Variants in TNR observed in about 807,000 individuals in gnomAD.
TNR encodes the protein tenascin-R.
Under a neutral mutation model 150.4 loss-of-function variants are expected in TNR, and 45 were observed. The observed-to-expected ratio is 0.30, with a 90% confidence interval of 0.24 to 0.38. TNR has a LOEUF of 0.38. Among genes scored for constraint, TNR ranks in the 10% least tolerant of loss-of-function variants. The pLI is 1.00. For missense variants in TNR, 1,544 were observed against 1,759.1 expected (o/e 0.88, Z 2.19); for synonymous variants, 687 against 678.4 (o/e 1.01, Z -0.20).
intron 1 of TNR, among the ~76,000 whole-genome samples, chr1:175,677,664 G>A (rs1571742564): frequency 6.6e-6 from 1 of 152,318 alleles, no homozygotes; most frequent in Non-Finnish European, 1.5e-5. Context: ...AAGGTACAAG[G>A]AGAGGCAGAG....
At position 175,365,045 on chromosome 1, in the gene TNR, A is replaced by G; in HGVS notation, c.2552T>C (p.Val851Ala). ...GGAGCCCACAATGGGCTCAGAGGTC[A>G]CTGTGCCATGGACAGCCACAAGGTT... The part of the protein sequence containing the change: ...IVNLVAVHGT[V>A]TSEPIVGSIT... The change falls in exon 12 of 23, where the codon GTG (valine) becomes GCG (alanine). Residue 851 changes from valine to alanine, a missense_variant. By Grantham distance (64) the Val-to-Ala change is moderately conservative (BLOSUM62 0). This residue lies in a region of TNR where 1,254 missense variants were observed against 1,329.4 expected (regional missense o/e 0.94). Transcript: ENST00000367674. 1 of 1,613,732 alleles carries G rather than the reference A, an allele frequency of 6.2e-7. No individual in the cohort carries two copies. The highest frequency in any genetic ancestry group is 1.7e-5 in the Admixed American group (1 of 60,022).
chr1:175,665,162 A>AT (rs60174277), intron 1 of TNR, among the ~76,000 whole-genome samples: 2,049 of 152,260 alleles, frequency 0.013, 38 homozygotes, highest in African/African-American at 0.047. Context: ...GTTTTGTTTC[A>AT]TTTTTTCTCT....
chr1:175,731,379 A>G (rs564476033), intron 1 of TNR, among the ~76,000 whole-genome samples: 1 of 152,298 alleles, frequency 6.6e-6, no homozygotes, highest in South Asian at 2.1e-4. Context: ...ATCAATAGCA[A>G]TTATTTTGCT....
At chr1:175,665,465 G>T (rs542476849) in intron 1 of TNR, among the ~76,000 whole-genome samples, 1 of 152,258 alleles carries the variant, frequency 6.6e-6, no homozygotes, top group Non-Finnish European at 1.5e-5. Context: ...TTCTCATATT[G>T]TCCACTCATA....
rs541064855 is a variant in TNR at position 175,322,332 on chromosome 1, G to A, written c.*1025C>T. 2.0e-5 allele frequency: 3 copies of A among 152,382 alleles called. No homozygotes were observed. Among genetic ancestry groups the A allele is most frequent in the South Asian group, 2.1e-4 (1 of 4,832 alleles). 9.4% of individuals were successfully genotyped at this position (152,382 alleles called of 1,614,324 possible). ...CTTGGGAACTAGATTCCAAAATGCT[G>A]GTTGGGCTTTTGAGGCTCTGGGGTC... On this transcript the variant is annotated 3_prime_UTR_variant, in exon 23 of 23. Transcript: ENST00000367674.
chr1:175,523,183 C>A (rs770782634), intron 2 of TNR, among the ~76,000 whole-genome samples: 2 of 152,188 alleles, frequency 1.3e-5, no homozygotes, highest in African/African-American at 2.4e-5. Flanking sequence ...AATCCAGCAG[C>A]GCCTCTGTCA....
chr1:175,704,018 T>C (rs1666773907), intron 1 of TNR, among the ~76,000 whole-genome samples: 1 of 152,182 alleles, frequency 6.6e-6, no homozygotes, highest in African/African-American at 2.4e-5. Flanking sequence ...TACAATGCAT[T>C]CCTCTATTGT....
chr1:175,367,179 TCTTCTTC>T (rs759231060), intron 10 of TNR, 22 bp downstream of exon 10: 107 of 1,608,726 alleles, frequency 6.7e-5, no homozygotes, highest in Middle Eastern at 1.7e-4. Context: ...GCTAACCTGG[TCTTCTTC>T]CTCAGCAGTC....
chr1:175,417,032 A>AAAGAAAGAAAGAAAGAAAGAAAG lies in TNR; in HGVS notation c.-63-10278_-63-10256dup, dbSNP rs1557920187. ...CAAAAAAAGAAAGAAAGAAAGAAAG[A>AAAGAAAGAAAGAAAGAAAGAAAG]AAGAAAGAAAGAAAGAAAGAAAGAA... On this transcript the variant is annotated intron_variant, in intron 2 of 22. Transcript: ENST00000367674. 1.5e-4 allele frequency among the ~76,000 whole-genome samples: 15 copies of AAAGAAAGAAAGAAAGAAAGAAAG among 97,796 alleles called. 1 individual carries two copies. The highest frequency in any genetic ancestry group is 5.6e-4 in the African/African-American group (15 of 26,748). 64.2% of individuals were successfully genotyped at this position (97,796 alleles called of 152,430 possible). A position where few individuals can be genotyped will look rare whatever the true frequency, so the allele number is the denominator to read the frequency against.
In TNR at chr1:175,403,631, G is replaced by A. The variant is rs756600477; in HGVS notation, c.500-15C>T. On this transcript the variant is annotated splice_polypyrimidine_tract_variant and intron_variant, in intron 3 of 22. Coordinates refer to ENST00000367674, the MANE Select transcript of TNR (RefSeq NM_003285.3). ...GTCCAGTTGTCCTGGAATGGTCAAG[G>A]AGAAGGTCAAAGAGCAGCAGTGGCC... 1 of 1,598,420 alleles carries A rather than the reference G, an allele frequency of 6.3e-7. No individual in the cohort carries two copies. Among genetic ancestry groups the A allele is most frequent in the Non-Finnish European group, 8.5e-7 (1 of 1,169,784 alleles).
In TNR at chr1:175,356,362, A is replaced by G. The variant is rs139164267; in HGVS notation, c.3075T>C (p.Asn1025=). 63 of 1,613,964 alleles carry G rather than the reference A, an allele frequency of 3.9e-5. No individual in the cohort carries two copies. The highest frequency in any genetic ancestry group is 5.1e-5 in the Non-Finnish European group (60 of 1,179,962). Residue 1025 remains asparagine (N), a synonymous_variant, in exon 16 of 23, where the codon AAT becomes AAC. Coordinates refer to ENST00000367674, the MANE Select transcript of TNR (RefSeq NM_003285.3). ...TGATGGTGCCACTGGTGAGAGGTCC[A>G]TTGGTGGCATACATGGTGGCAGTAT... ...THYTATMYAT[N]GPLTSGTIST... is the part of the protein sequence containing the mutation.
At chr1:175,698,359 C>T (rs554990849) in intron 1 of TNR, among the ~76,000 whole-genome samples, 5 of 152,174 alleles carry the variant, frequency 3.3e-5, no homozygotes, top group South Asian at 4.2e-4. Context: ...GAAGAGCAGA[C>T]GTGAAGGAAC....
chr1:175,496,540 A>T (rs1039545324), intron 2 of TNR, among the ~76,000 whole-genome samples: 1 of 152,230 alleles, frequency 6.6e-6, no homozygotes, highest in African/African-American at 2.4e-5. Flanking sequence ...AATACTTTAA[A>T]TATTCAGCTC....
chr1:175,352,682 C>T (rs749147116), intron 18 of TNR, among the ~76,000 whole-genome samples: 8 of 152,162 alleles, frequency 5.3e-5, no homozygotes, highest in Non-Finnish European at 1.0e-4. Context: ...GGATTCATGT[C>T]TGTTTGTGTA....
intron 10 of TNR, 78 bp from the exon 11 acceptor site, chr1:175,366,216 C>G (rs1651836397): frequency 6.9e-7 from 1 of 1,447,304 alleles, no homozygotes; most frequent in African/African-American, 1.4e-5. Context: ...TTGTGTGTTT[C>G]CAAGCTATCA....
intron 2 of TNR, among the ~76,000 whole-genome samples, chr1:175,455,744 C>G (rs1187171995): frequency 6.6e-6 from 1 of 152,168 alleles, no homozygotes; most frequent in African/African-American, 2.4e-5. Flanking sequence ...TGGCAATGAT[C>G]TTGGAAATAG....
chr1:175,709,551 A>G (rs1356320589), intron 1 of TNR, among the ~76,000 whole-genome samples: 1 of 152,236 alleles, frequency 6.6e-6, no homozygotes, highest in East Asian at 1.9e-4. Flanking sequence ...CATTTTGCCA[A>G]CAAGAGTTAA....
At chr1:175,355,475 G>C in intron 17 of TNR, 28 bp downstream of exon 17, 2 of 1,611,584 alleles carry the variant, frequency 1.2e-6, no homozygotes, top group East Asian at 4.5e-5. Context: ...GGAAGAAATG[G>C]TCTTTTCCCT....
intron 1 of TNR, among the ~76,000 whole-genome samples, chr1:175,606,741 G>A (rs1431610189): frequency 6.6e-6 from 1 of 152,118 alleles, no homozygotes; most frequent in East Asian, 1.9e-4. Context: ...TATCCTCTGA[G>A]GATAGCCCTC....
Sources: gnomAD v4.1 joint callset for allele counts (sites outside exome capture counted in the v4.1 genomes callset) on GRCh38, gnomAD v4.1.1 for gene constraint, gnomAD v4.1.1 regional missense constraint, MANE v1.5 for transcripts, NCBI Gene and HGNC (gene_info 2026-07-23, HGNC 2026-07-21) for gene names.